JUP: variants seen among roughly 807,000 people sequenced by gnomAD.
JUP encodes catenin (cadherin-associated protein), gamma 80kDa.
Under a neutral mutation model 71.1 loss-of-function variants are expected in JUP, and 28 were observed. The observed-to-expected ratio is 0.39, with a 90% confidence interval of 0.29 to 0.54. JUP has a LOEUF of 0.54. JUP is among the 20% of genes least tolerant of loss of function. The pLI, the probability that JUP is intolerant of heterozygous loss-of-function variation, is 0.62. For missense variants in JUP, 869 were observed against 1,030.1 expected (o/e 0.84, Z 2.14); for synonymous variants, 401 against 438.9 (o/e 0.91, Z 1.08).
At chr17:41,773,424 C>T (rs1475655551) in intron 1 of JUP, among the ~76,000 whole-genome samples, 1 of 152,236 alleles carries the variant, frequency 6.6e-6, no homozygotes, top group Non-Finnish European at 1.5e-5. Context: ...TCCCAGCTGC[C>T]TCCTTCCTCT....
chr17:41,758,268 T>G (rs1914201753), intron 10 of JUP, 131 bp downstream of exon 10: 18 of 1,174,070 alleles, frequency 1.5e-5, no homozygotes, highest in Non-Finnish European at 2.2e-5. Flanking sequence ...CAATCTGGAG[T>G]GGCAACTTTC....
At position 41,757,429 on chromosome 17, in the gene JUP, C is replaced by T. The variant is rs782260396; in HGVS notation, c.2032G>A (p.Ala678Thr). ...LTNSLFKHDP[A>T]AWEAAQSMIP... is the part of the protein sequence containing the mutation. ...AGGATACTCACAGCCTCCCAGGCAG[C>T]CGGGTCATGCTTGAAGAGGGAGTTG... is the stretch of plus-strand genomic sequence containing the variant. The change falls in exon 12 of 14, where the codon GCT becomes ACT. Residue 678 changes from alanine (A) to threonine (T), a missense_variant. Physicochemically the swap from Ala to Thr is moderately conservative, Grantham distance 58. Transcript: ENST00000393931. The T allele has an allele frequency of 1.2e-6, 2 of 1,614,240 alleles. No individual in the cohort carries two copies.
chr17:41,772,145 G>A (rs1916763062), intron 1 of JUP: 2 of 523,034 alleles, frequency 3.8e-6, no homozygotes. Flanking sequence ...GCCCCAGGGG[G>A]CAGGACAGTC....
intron 4 of JUP, among the ~76,000 whole-genome samples, chr17:41,767,781 C>A (rs1334939847): frequency 6.6e-6 from 1 of 152,238 alleles, no homozygotes; most frequent in Non-Finnish European, 1.5e-5. Context: ...CTTCTCCCAA[C>A]TGGGACAATG....
chr17:41,771,565 A>G lies in JUP; in HGVS notation c.208+82T>C, dbSNP rs529626712. The G allele has an allele frequency of 9.2e-6, 12 of 1,308,574 alleles. No homozygotes were observed. The East Asian group carries it at 1.6e-4, about 18-fold the overall frequency. 81.1% of individuals were successfully genotyped at this position (1,308,574 alleles called of 1,614,324 possible). A position where few individuals can be genotyped will look rare whatever the true frequency, so the allele number is the denominator to read the frequency against. ...CTCCCTCAGACCAGAGACCCCCTACAATCTGCCTCCTTTCACTCTGACCTC... is the reference window on the plus strand; with the variant it reads ...CTCCCTCAGACCAGAGACCCCCTACGATCTGCCTCCTTTCACTCTGACCTC... On this transcript the variant is annotated intron_variant, in intron 2 of 13. Transcript: ENST00000393931.
At position 41,773,372 on chromosome 17, in the gene JUP, G is replaced by A. The variant is rs534512183; in HGVS notation, c.-8-1510C>T. ...TCCCAGCCTTTTATGGCAGGCAGCC[G>A]TGAGCACACCCGGAACAGGCAGAGG... On this transcript the variant is annotated intron_variant, in intron 1 of 13. Coordinates refer to ENST00000393931, the MANE Select transcript of JUP (RefSeq NM_002230.4). Among the ~76,000 whole-genome samples the A allele has an allele frequency of 1.1e-4, 17 of 152,342 alleles. No homozygotes were observed. In the South Asian group the frequency reaches 2.1e-3, roughly 19 times the overall value.
At chr17:41,769,381 C>A in intron 3 of JUP, 37 bp downstream of exon 3, 2 of 1,592,626 alleles carry the variant, frequency 1.3e-6, no homozygotes, top group East Asian at 4.5e-5. Context: ...TCTCCCCTCC[C>A]TGCCCAGCCC....
At position 41,769,433 on chromosome 17, in the gene JUP, G is replaced by C. The variant is rs1028532952; in HGVS notation, c.453C>G (p.Leu151=). ...CCTCACAGACCGGGTCCTCGTCGTT[G>C]AGCAGTTTGGTGAGCTCGGGCAGGG... is the stretch of plus-strand genomic sequence containing the variant. The part of the protein sequence containing the change: ...TRALPELTKL[L]NDEDPVVVTK... The change falls in exon 3 of 14, where the codon CTC becomes CTG. Residue 151 remains leucine (L), a synonymous_variant. Transcript: ENST00000393931. 1.9e-6 allele frequency: 3 copies of C among 1,612,488 alleles called. No homozygotes were observed. The African/African-American group carries it at 4.0e-5, about 22-fold the overall frequency.
intron 1 of JUP, chr17:41,772,108 T>A (rs1460478385): frequency 1.7e-6 from 1 of 590,732 alleles, no homozygotes; most frequent in Non-Finnish European, 3.1e-6. Context: ...GTCCTGGGCT[T>A]GCATCTCTGA....
chr17:41,774,278 A>C (rs1917110297), intron 1 of JUP, among the ~76,000 whole-genome samples: 1 of 152,026 alleles, frequency 6.6e-6, no homozygotes, highest in Non-Finnish European at 1.5e-5. Context: ...TATTATGTGA[A>C]TCTCATTCTT....
intron 5 of JUP, among the ~76,000 whole-genome samples, chr17:41,765,455 A>C (rs1555603690): frequency 1.3e-5 from 2 of 151,946 alleles, no homozygotes; most frequent in Non-Finnish European, 2.9e-5. Flanking sequence ...GGGTTCAAGC[A>C]ATTCTCATGC....
intron 2 of JUP, chr17:41,771,394 C>G: frequency 1.7e-6 from 1 of 572,926 alleles, no homozygotes; most frequent in Non-Finnish European, 3.1e-6. Context: ...AGACTGGAGG[C>G]ACCCTAAGGG....
Position 41,772,853 on chromosome 17 carries a change from C to A in JUP, c.-8-991G>T, listed in dbSNP as rs1916871518. On this transcript the variant is annotated intron_variant, in intron 1 of 13. Coordinates refer to ENST00000393931, the MANE Select transcript of JUP (RefSeq NM_002230.4). ...ATGAGTAGCAGGGCCGAACTTTGTA[C>A]CAGGGAGGTGAACTTCCCGCTTGGT... 15 of 985,406 alleles carry A rather than the reference C, an allele frequency of 1.5e-5. No homozygotes were observed. In the South Asian group the frequency reaches 7.1e-4, roughly 46 times the overall value. The allele number at this position is 985,406 out of a possible 1,614,324, so 61.0% of individuals were successfully genotyped here. A position where few individuals can be genotyped will look rare whatever the true frequency, so the allele number is the denominator to read the frequency against.
chr17:41,785,741 C>G (rs782035531), intron 1 of JUP, among the ~76,000 whole-genome samples: 9 of 152,210 alleles, frequency 5.9e-5, no homozygotes, highest in African/African-American at 1.9e-4. Flanking sequence ...TGTTCCCCTA[C>G]CAACACTCTG....
rs41275669 is a variant in JUP, at chr17:41,755,723, G to T, written c.*21C>A. 3,347 of 1,552,492 alleles carry T rather than the reference G, an allele frequency of 2.2e-3. 21 individuals carry two copies. The highest frequency in any genetic ancestry group is 0.012 in the South Asian group (1,005 of 82,790). ...AGGAGGAAAAGCCTGCAAAGAGGGGGCCGTACTGGGGCCAGGCCGCCTAGG... is the reference window on the plus strand; with the variant it reads ...AGGAGGAAAAGCCTGCAAAGAGGGGTCCGTACTGGGGCCAGGCCGCCTAGG... On this transcript the variant is annotated 3_prime_UTR_variant, in exon 14 of 14. Coordinates refer to ENST00000393931, the MANE Select transcript of JUP (RefSeq NM_002230.4).
At chr17:41,766,492 A>G (rs782209999) in intron 5 of JUP, among the ~76,000 whole-genome samples, 1 of 152,022 alleles carries the variant, frequency 6.6e-6, no homozygotes, top group African/African-American at 2.4e-5. Context: ...AGGCCAAGGC[A>G]GGCAGATCAC....
At chr17:41,780,654 T>C (rs1277478521) in intron 1 of JUP, among the ~76,000 whole-genome samples, 49 of 149,972 alleles carry the variant, frequency 3.3e-4, no homozygotes, top group Non-Finnish European at 5.6e-4. Flanking sequence ...AAGACTGCAC[T>C]ACTGCACTCC....
Position 41,765,063 on chromosome 17 carries a change from A to G in JUP, c.914T>C (p.Ile305Thr), listed in dbSNP as rs782021834. 1 of 1,614,124 alleles carries G rather than the reference A, an allele frequency of 6.2e-7. No homozygotes were observed. Among genetic ancestry groups the G allele is most frequent in the South Asian group, 1.1e-5 (1 of 91,084 alleles). Residue 305 changes from isoleucine to threonine, a missense_variant, in exon 6 of 14, where the codon ATC becomes ACC. Coordinates refer to ENST00000393931, the MANE Select transcript of JUP (RefSeq NM_002230.4). The stretch of plus-strand genomic sequence containing the variant: ...CTGGGGCCCACCATTGGCCAGGATG[A>G]TCAGCTATGGGTAAAGAGGGAATGA... ...LAYGNQESKLIILANGGPQAL... is the reference protein window; with the variant it reads ...LAYGNQESKLTILANGGPQAL...
In JUP at chr17:41,757,284, T is replaced by C. The variant is rs1296390480; in HGVS notation, c.2046+131A>G. On this transcript the variant is annotated intron_variant, in intron 12 of 13. Coordinates refer to ENST00000393931, the MANE Select transcript of JUP (RefSeq NM_002230.4). ...CCCACTACTTCCATCTGCTAGGAAT[T>C]GTTATAAATGATCCAATTACAAAAT... The C allele has an allele frequency of 1.3e-5, 14 of 1,060,622 alleles. No individual in the cohort carries two copies. The South Asian group carries it at 1.7e-4, about 13-fold the overall frequency. The allele number at this position is 1,060,622 out of a possible 1,614,324, so 65.7% of individuals were successfully genotyped here. A position where few individuals can be genotyped will look rare whatever the true frequency, so the allele number is the denominator to read the frequency against.
Sources: gnomAD v4.1 joint callset for allele counts (sites outside exome capture counted in the v4.1 genomes callset) on GRCh38, gnomAD v4.1.1 for gene constraint, MANE v1.5 for transcripts, NCBI Gene and HGNC (gene_info 2026-07-23, HGNC 2026-07-21) for gene names.